The following SNX14 variants were observed in gnomAD, a reference collection of about 807,000 sequenced individuals.
SNX14 encodes sorting nexin 14.
A neutral mutation model predicts 133.8 loss-of-function variants in SNX14; 93 were observed. That is an observed-to-expected ratio of 0.70 (90% CI 0.59 to 0.83). SNX14 has a LOEUF of 0.83. SNX14 is among the 40% of genes least tolerant of loss of function. The probability of loss-of-function intolerance (pLI) is 0.00; values close to 1 mark genes in which losing one functional copy is unlikely to be tolerated. For synonymous variants in SNX14, 368 were observed against 365.6 expected (o/e 1.01, Z -0.07); for missense variants, 945 against 1,094.9 (o/e 0.86, Z 1.93).
At chr6:85,506,094 C>T (rs960440534) in intron 28 of SNX14, 89 bp from the exon 29 acceptor site, 1 of 830,382 alleles carries the variant, frequency 1.2e-6, no homozygotes, top group Non-Finnish European at 2.1e-6. Flanking sequence ...AAAATTCTAA[C>T]CTAAGACATA....
rs375373506 is a variant in SNX14, at chr6:85,546,965, C to CA, written c.1108+146dup. ...AACGAGAGTGAAATTCCGCCTCAAA[C>CA]AAAAAAAAAAAAAAAAAAAGGAAAT... On this transcript the variant is annotated intron_variant, in intron 12 of 28. Transcript: ENST00000314673. The CA allele has an allele frequency of 0.1, 39,703 of 391,038 alleles. 1,932 individuals carry two copies. The highest frequency in any genetic ancestry group is 0.36 in the African/African-American group (11,437 of 32,138). The allele number at this position is 391,038 out of a possible 1,614,324, so 24.2% of individuals were successfully genotyped here.
intron 1 of SNX14, among the ~76,000 whole-genome samples, chr6:85,584,836 T>G (rs986977226): frequency 2.6e-5 from 4 of 152,190 alleles, no homozygotes; most frequent in Non-Finnish European, 5.9e-5. Context: ...TGGAAGACAG[T>G]GTGGTGATTC....
chr6:85,590,266 A>T (rs1431603910), intron 1 of SNX14, among the ~76,000 whole-genome samples: 1 of 152,124 alleles, frequency 6.6e-6, no homozygotes, highest in Non-Finnish European at 1.5e-5. Context: ...ATATCCATAA[A>T]ATAGAAGAAT....
At chr6:85,512,552 G>A (rs1194630421) in intron 26 of SNX14, among the ~76,000 whole-genome samples, 1 of 151,714 alleles carries the variant, frequency 6.6e-6, no homozygotes, top group African/African-American at 2.4e-5. Context: ...AACCCAGGAG[G>A]CGGAGGTTGC....
At chr6:85,577,186 G>A (rs974363205) in intron 1 of SNX14, among the ~76,000 whole-genome samples, 45 of 152,246 alleles carry the variant, frequency 3.0e-4, no homozygotes, top group Non-Finnish European at 4.0e-4. Context: ...GGCCAAGGCA[G>A]GCAGATCACT....
At chr6:85,517,518 T>TAC in intron 23 of SNX14, 1 of 320,394 alleles carries the variant, frequency 3.1e-6, no homozygotes, top group Non-Finnish European at 5.5e-6. Flanking sequence ...AATCCCCAAA[T>TAC]ACAGAAGTGG....
At chr6:85,582,202 T>C (rs1415650210) in intron 1 of SNX14, among the ~76,000 whole-genome samples, 1 of 152,076 alleles carries the variant, frequency 6.6e-6, no homozygotes, top group Admixed American at 6.6e-5. Context: ...ATAAAGTGCA[T>C]GACATATTTA....
intron 21 of SNX14, among the ~76,000 whole-genome samples, chr6:85,521,793 T>C (rs1292917395): frequency 2.0e-5 from 3 of 152,222 alleles, no homozygotes; most frequent in African/African-American, 7.2e-5. Flanking sequence ...GCTTTTGAAG[T>C]CTTAGCCATA....
At chr6:85,509,867 C>CA (rs1207265259) in intron 26 of SNX14, among the ~76,000 whole-genome samples, 2 of 152,080 alleles carry the variant, frequency 1.3e-5, no homozygotes, top group African/African-American at 2.4e-5. Flanking sequence ...TTGCCTTTTC[C>CA]AAAACAGCAG....
chr6:85,563,776 TTTATTA>T (rs1322016332), intron 6 of SNX14, among the ~76,000 whole-genome samples: 2 of 152,308 alleles, frequency 1.3e-5, no homozygotes, highest in South Asian at 4.1e-4. Flanking sequence ...TTTTTTCTTT[TTTATTA>T]TTATTATACT....
chr6:85,534,925 C>G (rs539552037), intron 17 of SNX14, among the ~76,000 whole-genome samples: 1 of 145,004 alleles, frequency 6.9e-6, no homozygotes, highest in East Asian at 2.0e-4. Context: ...TAAATTTTTT[C>G]CACTGTTCTA....
chr6:85,557,565 T>C (rs1790168006), intron 7 of SNX14, among the ~76,000 whole-genome samples: 1 of 152,228 alleles, frequency 6.6e-6, no homozygotes, highest in Non-Finnish European at 1.5e-5. Context: ...ACAGTTTAGA[T>C]GCTATGACAG....
chr6:85,559,968 G>A (rs1791004808), intron 6 of SNX14, among the ~76,000 whole-genome samples: 1 of 152,160 alleles, frequency 6.6e-6, no homozygotes, highest in South Asian at 2.1e-4. Flanking sequence ...AGGATGGTTA[G>A]AATAAAAGAG....
intron 12 of SNX14, 41 bp from the exon 13 acceptor site, chr6:85,543,801 A>G: frequency 8.1e-7 from 1 of 1,238,168 alleles, no homozygotes; most frequent in Non-Finnish European, 1.1e-6. Flanking sequence ...TAATTTTAAT[A>G]TATAATTATT....
chr6:85,548,238 A>T, intron 9 of SNX14, 63 bp downstream of exon 9: 1 of 1,206,190 alleles, frequency 8.3e-7, no homozygotes, highest in Non-Finnish European at 1.2e-6. Context: ...AAAAATGTTT[A>T]AGATACTAAA....
chr6:85,567,954 G>T (rs2128177647), intron 4 of SNX14: 1 of 156,934 alleles, frequency 6.4e-6, no homozygotes, highest in Admixed American at 6.5e-5. Flanking sequence ...CTGTACACCA[G>T]CCTGGGCGAC....
intron 4 of SNX14, among the ~76,000 whole-genome samples, chr6:85,571,399 A>G (rs1409600695): frequency 4.6e-5 from 7 of 152,182 alleles, no homozygotes; most frequent in Non-Finnish European, 4.4e-5. Flanking sequence ...CAAAGAAAAA[A>G]ATGCCAAATT....
intron 8 of SNX14, 57 bp downstream of exon 8, chr6:85,549,666 G>C (rs551716859): frequency 6.9e-7 from 1 of 1,453,696 alleles, no homozygotes; most frequent in South Asian, 1.6e-5. Flanking sequence ...ACCAAAAATA[G>C]CAATATACAT....
chr6:85,577,853 G>C (rs973282606), intron 1 of SNX14, among the ~76,000 whole-genome samples: 1 of 152,152 alleles, frequency 6.6e-6, no homozygotes, highest in African/African-American at 2.4e-5. Context: ...CCAAATGTTT[G>C]TAAAATAAAA....
Sources: allele counts gnomAD v4.1 joint callset (sites outside exome capture counted in the v4.1 genomes callset), GRCh38; gene constraint gnomAD v4.1.1; transcripts MANE v1.5; gene names NCBI Gene and HGNC (gene_info 2026-07-23, HGNC 2026-07-21).